Variants in LAMA2 observed in about 807,000 individuals in gnomAD.
The protein encoded by LAMA2 is laminin subunit alpha 2, also known as laminin subunit alpha-2.
Under a neutral mutation model 364.8 loss-of-function variants are expected in LAMA2, and 269 were observed. That is an observed-to-expected ratio of 0.74 (90% CI 0.67 to 0.82). LAMA2 has a LOEUF of 0.82. LAMA2 is among the 40% of genes least tolerant of loss of function. LAMA2 has a pLI of 0.00. For synonymous variants in LAMA2, 1,379 were observed against 1,370.6 expected (o/e 1.01, Z -0.14); for missense variants, 3,807 against 3,873.2 (o/e 0.98, Z 0.45).
rs1167580081 is a variant in LAMA2 at position 129,503,181 on chromosome 6, T to C, written c.8448T>C (p.Val2816=). 6.2e-7 allele frequency: 1 copy of C among 1,614,174 alleles called. No homozygotes were observed. Among genetic ancestry groups the C allele is most frequent in the East Asian group, 2.2e-5 (1 of 44,878 alleles). ...ARINHADFAT[V]QLRNGLPYFS... is the part of the protein sequence containing the mutation. ...TCAATCATGCTGATTTTGCAACAGT[T>C]CAGCTGAGAAATGGATTGCCCTACT... The change falls in exon 60 of 65, where the codon GTT becomes GTC. Residue 2816 remains valine, a synonymous_variant. Coordinates refer to ENST00000421865, the MANE Select transcript of LAMA2 (RefSeq NM_000426.4).
chr6:129,394,304 A>C (rs577326496), intron 37 of LAMA2, among the ~76,000 whole-genome samples: 1 of 152,386 alleles, frequency 6.6e-6, no homozygotes, highest in South Asian at 2.1e-4. Context: ...ACCCTCTGGC[A>C]TATAGTATGT....
At chr6:129,384,419 C>A (rs1778862727) in intron 35 of LAMA2, among the ~76,000 whole-genome samples, 1 of 152,126 alleles carries the variant, frequency 6.6e-6, no homozygotes, top group Non-Finnish European at 1.5e-5. Context: ...ATTTCAAACA[C>A]CCAACACCTA....
At chr6:129,219,839 GA>G in intron 12 of LAMA2, among the ~76,000 whole-genome samples, 1 of 140,378 alleles carries the variant, frequency 7.1e-6, no homozygotes, top group Non-Finnish European at 1.5e-5. Context: ...GGGTGGGGGG[GA>G]GGGGGGAGAG....
chr6:129,057,882 T>A (rs1292689630), intron 2 of LAMA2, among the ~76,000 whole-genome samples: 1 of 152,176 alleles, frequency 6.6e-6, no homozygotes, highest in Non-Finnish European at 1.5e-5. Context: ...TAAAAAGGAT[T>A]GTGTTCTAAT....
Position 129,313,088 on chromosome 6 carries a change from C to T in LAMA2, c.3402C>T (p.Cys1134=), listed in dbSNP as rs1774334804. ...KCSCSDQTGQ[C]TCKVNVEGIH... Reference sequence around the variant, plus strand: ...CCTGTAGTGATCAAACTGGGCAGTGCACTTGTAAGGTATGTGCTGCTGACA... The same window carrying T: ...CCTGTAGTGATCAAACTGGGCAGTGTACTTGTAAGGTATGTGCTGCTGACA... The change falls in exon 23 of 65, where the codon TGC becomes TGT. Residue 1134 remains cysteine, a synonymous_variant. Transcript: ENST00000421865. 3.1e-6 allele frequency: 5 copies of T among 1,599,488 alleles called. No homozygotes were observed. The highest frequency in any genetic ancestry group is 2.2e-5 in the East Asian group (1 of 44,666).
chr6:129,137,096 T>C (rs1475443072), intron 4 of LAMA2, among the ~76,000 whole-genome samples: 3 of 152,148 alleles, frequency 2.0e-5, no homozygotes, highest in Non-Finnish European at 4.4e-5. Context: ...ACAGTTCAAG[T>C]TGCCATTTCT....
intron 1 of LAMA2, among the ~76,000 whole-genome samples, chr6:128,898,611 T>TCC (rs527375274): frequency 5.6e-4 from 85 of 152,350 alleles, no homozygotes; most frequent in African/African-American, 2.0e-3. Context: ...TTCAGCAGCC[T>TCC]CCCAGCTGCT....
intron 2 of LAMA2, 73 bp downstream of exon 2, chr6:129,050,161 A>G: frequency 6.9e-7 from 1 of 1,458,472 alleles, no homozygotes; most frequent in Non-Finnish European, 9.6e-7. Flanking sequence ...GCCAAGTTGC[A>G]TTAAATTCAA....
At chr6:129,209,199 C>T (rs372875305) in intron 12 of LAMA2, among the ~76,000 whole-genome samples, 1 of 152,004 alleles carries the variant, frequency 6.6e-6, no homozygotes, top group East Asian at 1.9e-4. Flanking sequence ...TATATAAAAG[C>T]AAAAATGCTT....
chr6:128,924,763 A>G (rs62428462), intron 1 of LAMA2, among the ~76,000 whole-genome samples: 3 of 152,190 alleles, frequency 2.0e-5, no homozygotes, highest in Non-Finnish European at 4.4e-5. Context: ...ACTGTAGGCC[A>G]ACCACCCCTT....
chr6:129,181,996 C>T (rs1013509757), intron 10 of LAMA2, among the ~76,000 whole-genome samples: 1 of 151,548 alleles, frequency 6.6e-6, no homozygotes, highest in African/African-American at 2.4e-5. Flanking sequence ...AATATATGTC[C>T]TTTAGTAAGA....
At chr6:129,216,423 A>G (rs922827110) in intron 12 of LAMA2, among the ~76,000 whole-genome samples, 1 of 152,196 alleles carries the variant, frequency 6.6e-6, no homozygotes, top group African/African-American at 2.4e-5. Context: ...GAATTGCCTT[A>G]AGCTAGTTTT....
At chr6:129,300,685 A>C in intron 21 of LAMA2, 51 bp from the exon 22 acceptor site, 1 of 1,594,700 alleles carries the variant, frequency 6.3e-7, no homozygotes, top group Admixed American at 1.7e-5. Context: ...ACTTTGTGTC[A>C]AATTTTTACT....
At chr6:128,934,625 C>A (rs1779701275) in intron 1 of LAMA2, among the ~76,000 whole-genome samples, 1 of 152,062 alleles carries the variant, frequency 6.6e-6, no homozygotes, top group African/African-American at 2.4e-5. Flanking sequence ...CCTCAGCCTC[C>A]TGAGTAGCTG....
At chr6:128,922,776 C>A (rs1314983096) in intron 1 of LAMA2, among the ~76,000 whole-genome samples, 2 of 152,266 alleles carry the variant, frequency 1.3e-5, no homozygotes, top group African/African-American at 4.8e-5. Context: ...GACATGAAGT[C>A]TTTGCCCATG....
chr6:128,986,595 A>C (rs1369377614), intron 1 of LAMA2, among the ~76,000 whole-genome samples: 3 of 152,000 alleles, frequency 2.0e-5, no homozygotes, highest in African/African-American at 4.8e-5. Flanking sequence ...ATAGCTCTCT[A>C]TATATCATTT....
chr6:129,270,901 A>C, intron 17 of LAMA2, 150 bp downstream of exon 17: 1 of 853,308 alleles, frequency 1.2e-6, no homozygotes, highest in Non-Finnish European at 1.8e-6. Context: ...AATTTTTTCA[A>C]ACCTAAGATA....
At chr6:128,916,594 A>G (rs561973924) in intron 1 of LAMA2, among the ~76,000 whole-genome samples, 249 of 152,312 alleles carry the variant, frequency 1.6e-3, no homozygotes, top group African/African-American at 5.7e-3. Flanking sequence ...TCTTTATTCA[A>G]TGATTGCTTT....
At chr6:129,315,717 T>C in intron 25 of LAMA2, 45 bp from the exon 26 acceptor site, 1 of 1,611,778 alleles carries the variant, frequency 6.2e-7, no homozygotes. Context: ...AATCACACCA[T>C]TTGGAGATTT....
Sources: gnomAD v4.1 joint callset for allele counts (sites outside exome capture counted in the v4.1 genomes callset) on GRCh38, gnomAD v4.1.1 for gene constraint, MANE v1.5 for transcripts, NCBI Gene and HGNC (gene_info 2026-07-23, HGNC 2026-07-21) for gene names.